CHORDC1: variants seen among roughly 807,000 people sequenced by gnomAD.
The protein encoded by CHORDC1 is cysteine and histidine rich domain containing 1, also known as cysteine and histidine-rich domain-containing protein 1.
Under a neutral mutation model 48.3 loss-of-function variants are expected in CHORDC1, and 25 were observed. That is an observed-to-expected ratio of 0.52 (90% CI 0.38 to 0.72). CHORDC1 has a LOEUF of 0.72. Ranked by LOEUF, CHORDC1 falls within the 30% of genes least tolerant of loss-of-function variation. The pLI is 0.00. For missense variants in CHORDC1, 317 were observed against 388.7 expected, an observed-to-expected ratio of 0.82 and a Z score of 1.55; for synonymous variants, 128 against 126.4, an observed-to-expected ratio of 1.01 and a Z score of -0.09.
chr11:90,213,836 A>C, intron 4 of CHORDC1, 182 bp downstream of exon 4: 1 of 556,462 alleles, frequency 1.8e-6, no homozygotes, highest in Non-Finnish European at 3.2e-6. Context: ...TATTGTGTAC[A>C]TGCTCTCAAG....
intron 1 of CHORDC1, among the ~76,000 whole-genome samples, chr11:90,218,957 TAAAA>T (rs67038713): frequency 0.43 from 63,236 of 145,386 alleles, 13,691 homozygotes; most frequent in East Asian, 0.59. Flanking sequence ...ACTTTTTAAT[TAAAA>T]AAAAAAAAAA....
At position 90,202,313 on chromosome 11, in the gene CHORDC1, A is replaced by C; in HGVS notation, c.*92T>G. On this transcript the variant is annotated 3_prime_UTR_variant, in exon 11 of 11. Transcript: ENST00000320585. ...CTGAAATGCCACATTCAGTAACACA[A>C]CAACAAAACAAAAGATTACAGCAGC... 1 of 1,256,070 alleles carries C rather than the reference A, an allele frequency of 8.0e-7. No homozygotes were observed. Among genetic ancestry groups the C allele is most frequent in the African/African-American group, 1.5e-5 (1 of 67,430 alleles). 77.8% of individuals were successfully genotyped at this position (1,256,070 alleles called of 1,614,324 possible). A position where few individuals can be genotyped will look rare whatever the true frequency, so the allele number is the denominator to read the frequency against.
intron 2 of CHORDC1, among the ~76,000 whole-genome samples, chr11:90,215,605 A>C (rs1384969324): frequency 6.7e-6 from 1 of 148,344 alleles, no homozygotes; most frequent in East Asian, 2.0e-4. Context: ...TTACTTTTAA[A>C]ATCTATTAAG....
At chr11:90,206,905 A>G in intron 6 of CHORDC1, 1 of 460,204 alleles carries the variant, frequency 2.2e-6, no homozygotes, top group Non-Finnish European at 3.9e-6. Flanking sequence ...ACCTACAAAC[A>G]GAAAATAAAA....
chr11:90,202,772 A>G, intron 10 of CHORDC1, 41 bp downstream of exon 10: 1 of 1,548,156 alleles, frequency 6.5e-7, no homozygotes, highest in Middle Eastern at 2.0e-4. Context: ...AAATGATCTA[A>G]GTTATCAGAA....
rs879390858 is a variant in CHORDC1 at position 90,200,954 on chromosome 11, G to C, written c.*1451C>G. Among the ~76,000 whole-genome samples, 16 of 151,932 alleles carry C rather than the reference G, an allele frequency of 1.1e-4. No homozygotes were observed. Among genetic ancestry groups the C allele is most frequent in the Non-Finnish European group, 2.1e-4 (14 of 67,812 alleles). ...ATCAGATGCTTATGTACTCCATGTGGGTCCAACTTTTACTGCCCAGAGTTT... is the reference window on the plus strand; with the variant it reads ...ATCAGATGCTTATGTACTCCATGTGCGTCCAACTTTTACTGCCCAGAGTTT... On this transcript the variant is annotated 3_prime_UTR_variant, in exon 11 of 11. Coordinates refer to ENST00000320585, the MANE Select transcript of CHORDC1 (RefSeq NM_012124.3).
rs752184007 is a variant in CHORDC1 at position 90,222,934 on chromosome 11, G to A, written c.21C>T (p.Asn7=). The change falls in exon 1 of 11, where the codon AAC becomes AAT. Residue 7 remains asparagine (N), a synonymous_variant. Transcript: ENST00000320585. MALLCY[N]RGCGQRFDPE... ...GATCGAAGCGCTGACCGCAGCCCCG[G>A]TTGTAGCACAGCAAGGCCATTTTCT... 18 of 1,614,144 alleles carry A rather than the reference G, an allele frequency of 1.1e-5. No individual in the cohort carries two copies. The South Asian group carries it at 1.9e-4, about 17-fold the overall frequency.
intron 2 of CHORDC1, chr11:90,216,582 C>T (rs1258280600): frequency 2.3e-6 from 1 of 433,856 alleles, no homozygotes; most frequent in Non-Finnish European, 4.6e-6. Context: ...AAATAGAGAC[C>T]ACAATAAACA....
chr11:90,203,066 T>C (rs939097577), intron 9 of CHORDC1, among the ~76,000 whole-genome samples, 191 bp from the exon 10 acceptor site: 7 of 152,276 alleles, frequency 4.6e-5, no homozygotes, highest in African/African-American at 1.7e-4. Flanking sequence ...TATTGAGAAC[T>C]AAGTACTATA....
At chr11:90,212,261 T>A (rs892906578) in intron 4 of CHORDC1, 1 of 148,090 alleles carries the variant, frequency 6.8e-6, no homozygotes, top group Non-Finnish European at 1.5e-5. Context: ...TTTCCCATGC[T>A]GTTCTCATGA....
intron 6 of CHORDC1, chr11:90,207,839 A>C (rs1857745945): frequency 6.6e-6 from 1 of 150,420 alleles, no homozygotes; most frequent in Admixed American, 6.7e-5. Context: ...CTAGCCTCAC[A>C]TACTGCTGGT....
chr11:90,220,596 C>G (rs1446166409), intron 1 of CHORDC1, among the ~76,000 whole-genome samples: 1 of 152,184 alleles, frequency 6.6e-6, no homozygotes, highest in East Asian at 1.9e-4. Context: ...AGGAATGAGT[C>G]AGATCTGAAC....
At chr11:90,217,897 A>C (rs774831212) in intron 2 of CHORDC1, 48 of 45,032 alleles carry the variant, frequency 1.1e-3, no homozygotes, top group Non-Finnish European at 2.4e-3. Flanking sequence ...CTCCATCTCA[A>C]AAAAAAAAAA....
At position 90,222,571 on chromosome 11, in the gene CHORDC1, G is replaced by C. The variant is rs912741969; in HGVS notation, c.64+320C>G. 10 of 578,570 alleles carry C rather than the reference G, an allele frequency of 1.7e-5. No homozygotes were observed. The African/African-American group carries it at 1.9e-4, about 11-fold the overall frequency. The allele number at this position is 578,570 out of a possible 1,614,324, so 35.8% of individuals were successfully genotyped here. A position where few individuals can be genotyped will look rare whatever the true frequency, so the allele number is the denominator to read the frequency against. ...CCCCAGAGACTGGAGGGCCAGAGGAGAAACGTGTTCGTTCTAAATTCCAGG... is the reference window on the plus strand; with the variant it reads ...CCCCAGAGACTGGAGGGCCAGAGGACAAACGTGTTCGTTCTAAATTCCAGG... On this transcript the variant is annotated intron_variant, in intron 1 of 10. Coordinates refer to ENST00000320585, the MANE Select transcript of CHORDC1 (RefSeq NM_012124.3).
At chr11:90,221,829 A>G (rs533077694) in intron 1 of CHORDC1, among the ~76,000 whole-genome samples, 3 of 152,358 alleles carry the variant, frequency 2.0e-5, no homozygotes, top group South Asian at 2.1e-4. Flanking sequence ...TGTGCCAAAA[A>G]TAAGTATTTC....
Position 90,215,246 on chromosome 11 carries a change from G to A in CHORDC1, c.115-16C>T. 6.6e-7 allele frequency: 1 copy of A among 1,525,108 alleles called. No individual in the cohort carries two copies. Among genetic ancestry groups the A allele is most frequent in the Non-Finnish European group, 8.9e-7 (1 of 1,128,748 alleles). 94.5% of individuals were successfully genotyped at this position (1,525,108 alleles called of 1,614,324 possible). On this transcript the variant is annotated splice_polypyrimidine_tract_variant and intron_variant, in intron 2 of 10. Transcript: ENST00000320585. ...AAGACCAACCCTATGAAAAACAAGA[G>A]AAGGAAACTAAAAACTCTATTTGCA...
At chr11:90,211,416 G>C (rs1591054756) in intron 4 of CHORDC1, 98 bp from the exon 5 acceptor site, 1 of 748,938 alleles carries the variant, frequency 1.3e-6, no homozygotes, top group East Asian at 2.6e-5. Flanking sequence ...GAAGCCAAAT[G>C]CTTTGTGTAT....
At chr11:90,222,863 G>A (rs1858216710) in intron 1 of CHORDC1, 28 bp downstream of exon 1, 3 of 1,604,700 alleles carry the variant, frequency 1.9e-6, no homozygotes, top group Admixed American at 1.7e-5. Context: ...GTGGAGGGGA[G>A]GGAGGGCTGG....
intron 6 of CHORDC1, chr11:90,209,099 T>G (rs1477103879): frequency 1.3e-5 from 2 of 152,166 alleles, no homozygotes; most frequent in Non-Finnish European, 2.9e-5. Context: ...ACCCTACCAT[T>G]TGCACTGCCT....
Sources: gnomAD v4.1 joint callset for allele counts (sites outside exome capture counted in the v4.1 genomes callset) on GRCh38, gnomAD v4.1.1 for gene constraint, MANE v1.5 for transcripts, NCBI Gene and HGNC (gene_info 2026-07-23, HGNC 2026-07-21) for gene names.